The following RGS8 variants were observed in gnomAD, a reference collection of about 807,000 sequenced individuals.
The protein encoded by RGS8 is regulator of G protein signaling 8.
RGS8 carries 8 observed loss-of-function variants against 21.7 expected under a neutral mutation model. The observed-to-expected ratio is 0.37, with a 90% CI of 0.22 to 0.66. RGS8 has a LOEUF of 0.66. Ranked by LOEUF, RGS8 falls within the 30% of genes least tolerant of loss-of-function variation. The probability of loss-of-function intolerance (pLI) is 0.59; values close to 1 mark genes in which losing one functional copy is unlikely to be tolerated. For synonymous variants in RGS8, 80 were observed against 83.6 expected, an observed-to-expected ratio of 0.96 and a Z score of 0.24; for missense variants, 157 against 217.9, an observed-to-expected ratio of 0.72 and a Z score of 1.76.
the RGS8 span, among the ~76,000 whole-genome samples, chr1:182,697,412 C>A: frequency 2.6e-5 from 4 of 152,236 alleles, no homozygotes; most frequent in Non-Finnish European, 5.9e-5. Flanking sequence ...CAGCCCCTTG[C>A]TAACAAGAAG....
At chr1:182,683,627 C>CAAAAA (rs397863359) in intron 1 of RGS8, among the ~76,000 whole-genome samples, 9 of 60,674 alleles carry the variant, frequency 1.5e-4, no homozygotes, top group African/African-American at 2.6e-4. Context: ...TCCCAGTGCT[C>CAAAAA]AAAAAAAAAA....
At chr1:182,726,423 T>C in the RGS8 span, among the ~76,000 whole-genome samples, 1 of 152,036 alleles carries the variant, frequency 6.6e-6, no homozygotes. Flanking sequence ...GTAATCCCAG[T>C]ACTTTGGGAG....
At chr1:182,739,346 C>T in the RGS8 span, among the ~76,000 whole-genome samples, 3 of 152,114 alleles carry the variant, frequency 2.0e-5, no homozygotes, top group Non-Finnish European at 4.4e-5. Context: ...TGTATTTTCT[C>T]CCCAACGCTG....
chr1:182,675,396 T>C (rs527481073), upstream of RGS8, among the ~76,000 whole-genome samples: 23 of 152,176 alleles, frequency 1.5e-4, no homozygotes, highest in Non-Finnish European at 2.6e-4. Context: ...TGCCCTCTCT[T>C]AAATAACTGA....
chr1:182,688,618 C>A (rs1285107132), upstream of RGS8, among the ~76,000 whole-genome samples: 1 of 152,104 alleles, frequency 6.6e-6, no homozygotes, highest in Non-Finnish European at 1.5e-5. Context: ...CAGACTCAAT[C>A]AAATCATATG....
the RGS8 span, among the ~76,000 whole-genome samples, chr1:182,740,730 C>CT: frequency 1.3e-5 from 2 of 150,092 alleles, no homozygotes; most frequent in Non-Finnish European, 1.5e-5. Flanking sequence ...TCCCTGGGTA[C>CT]TTGAGATTAG....
chr1:182,691,155 A>G, the RGS8 span, among the ~76,000 whole-genome samples: 1 of 152,220 alleles, frequency 6.6e-6, no homozygotes, highest in East Asian at 1.9e-4. Context: ...TCCAAACTAG[A>G]AGAATTGCCC....
the RGS8 span, among the ~76,000 whole-genome samples, chr1:182,732,259 GCTCT>G: frequency 3.2e-4 from 30 of 92,772 alleles, no homozygotes; most frequent in Non-Finnish European, 5.5e-4. Context: ...CCTCTGTCTC[GCTCT>G]CTCTCTCATA....
chr1:182,727,024 C>T, the RGS8 span, among the ~76,000 whole-genome samples: 47 of 152,340 alleles, frequency 3.1e-4, 1 homozygote, highest in East Asian at 7.9e-3. Flanking sequence ...CAGCTCCTCC[C>T]TCTCTCATTC....
chr1:182,717,949 A>T, the RGS8 span, among the ~76,000 whole-genome samples: 1 of 152,236 alleles, frequency 6.6e-6, no homozygotes, highest in Non-Finnish European at 1.5e-5. Context: ...ACAGTAACCC[A>T]ATTATCCTAA....
chr1:182,735,773 C>G, the RGS8 span, among the ~76,000 whole-genome samples: 4,097 of 152,360 alleles, frequency 0.027, 84 homozygotes, highest in Non-Finnish European at 0.039. Context: ...TATCTGAAGG[C>G]ATGGCTCATT....
At chr1:182,672,143 C>T, upstream of RGS8, 1 of 191,742 alleles carries the variant, frequency 5.2e-6, no homozygotes, top group Non-Finnish European at 1.1e-5. Flanking sequence ...GGTATTAACT[C>T]TTTCCAGTCA....
the RGS8 span, among the ~76,000 whole-genome samples, chr1:182,740,042 C>G: frequency 2.6e-5 from 4 of 152,304 alleles, no homozygotes; most frequent in South Asian, 8.3e-4. Context: ...TAATAACAGC[C>G]ACAGAGATTC....
chr1:182,658,924 G>A (rs1422750802), intron 5 of RGS8, among the ~76,000 whole-genome samples: 1 of 152,232 alleles, frequency 6.6e-6, no homozygotes, highest in Non-Finnish European at 1.5e-5. Context: ...ATTTCCAGTT[G>A]TGACATTTTA....
intron 3 of RGS8, among the ~76,000 whole-genome samples, chr1:182,668,228 A>G (rs1045847368): frequency 3.9e-5 from 6 of 152,064 alleles, no homozygotes; most frequent in Non-Finnish European, 1.5e-5. Context: ...AACTATGACA[A>G]CTCCTTGTGT....
chr1:182,733,030 A>G, the RGS8 span, among the ~76,000 whole-genome samples: 1 of 152,238 alleles, frequency 6.6e-6, no homozygotes, highest in Non-Finnish European at 1.5e-5. Flanking sequence ...AGGAACATAG[A>G]GGAAACCTGA....
At chr1:182,751,455 C>T in the RGS8 span, among the ~76,000 whole-genome samples, 1 of 152,164 alleles carries the variant, frequency 6.6e-6, no homozygotes, top group African/African-American at 2.4e-5. Flanking sequence ...ACAGTCCCTG[C>T]ACGCGTGCCT....
the RGS8 span, among the ~76,000 whole-genome samples, chr1:182,693,692 T>G: frequency 2.3e-4 from 35 of 152,194 alleles, no homozygotes; most frequent in African/African-American, 7.0e-4. Flanking sequence ...GCAGCACTAT[T>G]CACAATAGCA....
chr1:182,676,207 G>C (rs191524928), upstream of RGS8, among the ~76,000 whole-genome samples: 8 of 152,336 alleles, frequency 5.3e-5, no homozygotes, highest in Admixed American at 4.6e-4. Context: ...TAATTAAATT[G>C]AAGATAAAGG....
Sources: gnomAD v4.1 joint callset for allele counts (sites outside exome capture counted in the v4.1 genomes callset) on GRCh38, gnomAD v4.1.1 for gene constraint, MANE v1.5 for transcripts, NCBI Gene and HGNC (gene_info 2026-07-23, HGNC 2026-07-21) for gene names.